AHI1: variants seen among roughly 807,000 people sequenced by gnomAD.
The protein encoded by AHI1 is jouberin.
AHI1 carries 123 observed loss-of-function variants against 149.3 expected under a neutral mutation model. That is an observed-to-expected ratio of 0.82 (90% confidence interval 0.71 to 0.96). AHI1 has a LOEUF of 0.96. Among genes scored for constraint, AHI1 ranks in the 40% least tolerant of loss-of-function variants. AHI1 has a pLI of 0.00. For missense variants in AHI1, 1,439 were observed against 1,422.7 expected, an observed-to-expected ratio of 1.01 and a Z score of -0.18; for synonymous variants, 475 against 459.8, an observed-to-expected ratio of 1.03 and a Z score of -0.42.
At chr6:135,409,219 C>T (rs1781234841) in intron 21 of AHI1, among the ~76,000 whole-genome samples, 3 of 152,014 alleles carry the variant, frequency 2.0e-5, no homozygotes, top group Non-Finnish European at 2.9e-5. Flanking sequence ...GTGTTTGTTG[C>T]ACATATATGT....
chr6:135,309,896 T>G (rs1046901791), intron 26 of AHI1, among the ~76,000 whole-genome samples: 1 of 152,128 alleles, frequency 6.6e-6, no homozygotes, highest in African/African-American at 2.4e-5. Flanking sequence ...TAAGAAAACT[T>G]CAAATATTAC....
intron 5 of AHI1, among the ~76,000 whole-genome samples, chr6:135,485,407 T>A (rs1794331139): frequency 2.0e-5 from 3 of 152,280 alleles, no homozygotes; most frequent in Admixed American, 1.3e-4. Context: ...TTTCAGTTAA[T>A]CTTCCTTTTG....
intron 12 of AHI1, among the ~76,000 whole-genome samples, chr6:135,447,541 A>C (rs1787430381): frequency 6.6e-6 from 1 of 152,202 alleles, no homozygotes; most frequent in African/African-American, 2.4e-5. Flanking sequence ...CAAGTTTTAA[A>C]AATCCTCATT....
chr6:135,416,174 T>C (rs1583124770), intron 20 of AHI1, among the ~76,000 whole-genome samples: 5 of 151,884 alleles, frequency 3.3e-5, no homozygotes, highest in Admixed American at 3.3e-4. Flanking sequence ...AAAAAGCAAA[T>C]GACAAAATTG....
At chr6:135,475,170 A>G (rs1264056609) in intron 5 of AHI1, among the ~76,000 whole-genome samples, 3 of 152,226 alleles carry the variant, frequency 2.0e-5, no homozygotes, top group African/African-American at 7.2e-5. Flanking sequence ...CATTTCATCT[A>G]AACTGCTAAA....
At position 135,464,308 on chromosome 6, in the gene AHI1, G is replaced by A. The variant is rs1451800296; in HGVS notation, c.750-1002C>T. ...TTTAAGGAGAACAGCTACCCTTTGC[G>A]TGCCACTGTCACGTGTTATTAAAAA... On this transcript the variant is annotated intron_variant, in intron 7 of 28. Transcript: ENST00000265602. Among the ~76,000 whole-genome samples the A allele has an allele frequency of 2.6e-5, 4 of 152,138 alleles. No individual in the cohort carries two copies. The South Asian group carries it at 6.2e-4, about 24-fold the overall frequency.
intron 15 of AHI1, 36 bp downstream of exon 15, chr6:135,438,339 A>C (rs1297867356): frequency 6.6e-7 from 1 of 1,523,924 alleles, no homozygotes; most frequent in Non-Finnish European, 8.9e-7. Flanking sequence ...TTGACAGCAA[A>C]CAGCATGCAC....
intron 22 of AHI1, among the ~76,000 whole-genome samples, chr6:135,399,839 A>G (rs1779766695): frequency 6.6e-6 from 1 of 151,638 alleles, no homozygotes; most frequent in Admixed American, 6.6e-5. Context: ...ATAGATTACT[A>G]TAGTTTGTAC....
chr6:135,344,947 C>CACAT (rs1291831540), intron 24 of AHI1, among the ~76,000 whole-genome samples: 1 of 151,448 alleles, frequency 6.6e-6, no homozygotes, highest in Non-Finnish European at 1.5e-5. Flanking sequence ...CACACACACA[C>CACAT]ACACACACAG....
intron 26 of AHI1, among the ~76,000 whole-genome samples, chr6:135,315,247 A>C (rs1264690779): frequency 1.3e-5 from 2 of 152,124 alleles, no homozygotes; most frequent in Non-Finnish European, 2.9e-5. Flanking sequence ...TTCAGCTTTT[A>C]TACATACTTT....
intron 24 of AHI1, among the ~76,000 whole-genome samples, chr6:135,332,549 C>T (rs184941763): frequency 1.3e-5 from 2 of 152,324 alleles, no homozygotes; most frequent in Admixed American, 1.3e-4. Context: ...ACCAGACTAA[C>T]AATCAAAATG....
chr6:135,446,086 C>T (rs758484929), intron 13 of AHI1, among the ~76,000 whole-genome samples: 10 of 151,890 alleles, frequency 6.6e-5, no homozygotes, highest in Non-Finnish European at 1.5e-4. Flanking sequence ...ATGGGTCTTG[C>T]TACATTGCCC....
At chr6:135,467,760 G>A in intron 5 of AHI1, 126 bp from the exon 6 acceptor site, 1 of 593,340 alleles carries the variant, frequency 1.7e-6, no homozygotes, top group Non-Finnish European at 2.9e-6. Flanking sequence ...CCTGGACATA[G>A]TGATACTATC....
chr6:135,471,854 T>C (rs1791755230), intron 5 of AHI1, among the ~76,000 whole-genome samples: 1 of 149,654 alleles, frequency 6.7e-6, no homozygotes, highest in South Asian at 2.1e-4. Context: ...CTACTAAAAA[T>C]ACAAAAAATT....
intron 28 of AHI1, 22 bp downstream of exon 28, chr6:135,290,401 T>C (rs2128339489): frequency 7.3e-7 from 1 of 1,377,794 alleles, no homozygotes; most frequent in South Asian, 1.2e-5. Flanking sequence ...ATAGCGCAAC[T>C]TTCTATTGGT....
chr6:135,288,018 C>G (rs9483823), intron 28 of AHI1, among the ~76,000 whole-genome samples: 29,179 of 151,862 alleles, frequency 0.19, 6,373 homozygotes, highest in African/African-American at 0.53. Context: ...TCACTTGAAT[C>G]CAGGAGGTGG....
Position 135,487,151 on chromosome 6 carries a change from C to T in AHI1, c.135+3472G>A, listed in dbSNP as rs533381574. 7.3e-4 allele frequency among the ~76,000 whole-genome samples: 110 copies of T among 151,666 alleles called. 4 individuals are homozygous for T. The South Asian group carries it at 0.021, about 29-fold the overall frequency. On this transcript the variant is annotated intron_variant, in intron 5 of 28. Transcript: ENST00000265602. ...ACATTTATTGTCATGACTCAGTTTG[C>T]TCTTACTTAAATTTCTTATTTCATT...
At chr6:135,419,791 T>C (rs1343588810) in intron 20 of AHI1, among the ~76,000 whole-genome samples, 1 of 151,974 alleles carries the variant, frequency 6.6e-6, no homozygotes, top group Admixed American at 6.6e-5. Context: ...CTGCACTGAT[T>C]GGCTCTTACT....
intron 23 of AHI1, among the ~76,000 whole-genome samples, chr6:135,386,460 G>T (rs1230948398): frequency 1.3e-5 from 2 of 151,642 alleles, no homozygotes; most frequent in Non-Finnish European, 1.5e-5. Context: ...ACAGGCACCT[G>T]CCACCGTGCC....
Sources: gnomAD v4.1 joint callset for allele counts (sites outside exome capture counted in the v4.1 genomes callset) on GRCh38, gnomAD v4.1.1 for gene constraint, MANE v1.5 for transcripts, NCBI Gene and HGNC (gene_info 2026-07-23, HGNC 2026-07-21) for gene names.